The following MERTK variants were observed in gnomAD, a reference collection of about 807,000 sequenced individuals.
MERTK encodes tyrosine-protein kinase Mer.
Under a neutral mutation model 99.3 loss-of-function variants are expected in MERTK, and 69 were observed. That is an observed-to-expected ratio of 0.70 (90% CI 0.57 to 0.85). The LOEUF is 0.85. Among genes scored for constraint, MERTK ranks in the 40% least tolerant of loss-of-function variants. The pLI is 0.00. For synonymous variants in MERTK, 426 were observed against 467.6 expected, an observed-to-expected ratio of 0.91 and a Z score of 1.15; for missense variants, 1,125 against 1,249.4, an observed-to-expected ratio of 0.90 and a Z score of 1.50.
At chr2:111,921,126 G>A (rs1036704442) in intron 1 of MERTK, among the ~76,000 whole-genome samples, 1 of 152,172 alleles carries the variant, frequency 6.6e-6, no homozygotes. Flanking sequence ...TCAAATATCA[G>A]CCTGGTGTGT....
At chr2:111,973,230 T>C (rs1676159185) in intron 6 of MERTK, among the ~76,000 whole-genome samples, 1 of 152,096 alleles carries the variant, frequency 6.6e-6, no homozygotes, top group Non-Finnish European at 1.5e-5. Context: ...TCCCCACATG[T>C]CTCTGGAAGT....
At chr2:111,967,852 T>A (rs562055166) in intron 5 of MERTK, among the ~76,000 whole-genome samples, 1 of 152,072 alleles carries the variant, frequency 6.6e-6, no homozygotes, top group Non-Finnish European at 1.5e-5. Context: ...AGGACATGAG[T>A]ATTTCCACAT....
rs370577205 is a variant in MERTK, at chr2:111,994,293, C to T, written c.1339C>T (p.Arg447Trp). Residue 447 changes from arginine (R) to tryptophan (W), a missense_variant, in exon 9 of 19, where the codon CGG becomes TGG. Coordinates refer to ENST00000295408, the MANE Select transcript of MERTK (RefSeq NM_006343.3). ...EEVGQNGSRARISVQVHNATC... is the reference protein window; with the variant it reads ...EEVGQNGSRAWISVQVHNATC... ...AGTTGGCCAGAATGGCAGCCGAGCT[C>T]GGATCTCTGTTCAAGTCCACAATGC... 9.9e-6 allele frequency: 16 copies of T among 1,613,990 alleles called. No individual in the cohort carries two copies. Among genetic ancestry groups the T allele is most frequent in the African/African-American group, 4.0e-5 (3 of 74,886 alleles).
At chr2:111,907,303 A>G (rs575510304) in intron 1 of MERTK, among the ~76,000 whole-genome samples, 1 of 152,174 alleles carries the variant, frequency 6.6e-6, no homozygotes, top group Admixed American at 6.5e-5. Context: ...AATCCCAGCA[A>G]CTTGGGAGGC....
At chr2:111,966,879 C>T (rs1685368202) in intron 5 of MERTK, among the ~76,000 whole-genome samples, 2 of 152,268 alleles carry the variant, frequency 1.3e-5, no homozygotes, top group East Asian at 3.9e-4. Context: ...TCTTGACACA[C>T]CTTCCTCCTT....
chr2:111,971,825 A>G (rs1326947950), intron 6 of MERTK, among the ~76,000 whole-genome samples: 1 of 152,198 alleles, frequency 6.6e-6, no homozygotes, highest in African/African-American at 2.4e-5. Flanking sequence ...TTGTTGGTTT[A>G]GAGTCTTCAG....
chr2:111,899,956 G>A (rs1442999207), intron 1 of MERTK, among the ~76,000 whole-genome samples: 1 of 152,046 alleles, frequency 6.6e-6, no homozygotes, highest in Non-Finnish European at 1.5e-5. Context: ...TCTTGAGGAG[G>A]CTGGAATAAA....
Position 111,947,619 on chromosome 2 carries a change from C to A in MERTK, c.757+52C>A. On this transcript the variant is annotated intron_variant, in intron 4 of 18. Transcript: ENST00000295408. Reference sequence around the variant, plus strand: ...TTTATTCTCTAATAGCGGACAGGATCAAAAGTTTGGCGACCCTTGCTGTGC... The same window carrying A: ...TTTATTCTCTAATAGCGGACAGGATAAAAAGTTTGGCGACCCTTGCTGTGC... 7 of 1,606,762 alleles carry A rather than the reference C, an allele frequency of 4.4e-6. No homozygotes were observed. The South Asian group carries it at 5.5e-5, about 13-fold the overall frequency.
chr2:111,941,043 C>G, intron 2 of MERTK: 1 of 512,890 alleles, frequency 1.9e-6, no homozygotes, highest in Non-Finnish European at 3.7e-6. Context: ...ACATGCTCCC[C>G]GCTTCTCACT....
chr2:112,003,967 C>A lies in MERTK; in HGVS notation c.1850C>A (p.Ala617Glu). Residue 617 changes from alanine (A) to glutamate (E), a missense_variant, in exon 13 of 19, where the codon GCA becomes GAA. By Grantham distance (107) the Ala-to-Glu change is moderately radical (BLOSUM62 -1). Transcript: ENST00000295408. ...KQEDGTSLKV[A>E]VKTMKLDNSS... is the part of the protein sequence containing the mutation. ...GAAGATGGGACCTCTCTGAAAGTGG[C>A]AGTGAAGACCATGAAGTGTGAGTTA... The A allele has an allele frequency of 6.2e-7, 1 of 1,612,910 alleles. No individual in the cohort carries two copies. Among genetic ancestry groups the A allele is most frequent in the South Asian group, 1.1e-5 (1 of 91,052 alleles).
chr2:111,931,209 A>AT (rs1414963199), intron 2 of MERTK, among the ~76,000 whole-genome samples: 1 of 151,082 alleles, frequency 6.6e-6, no homozygotes, highest in African/African-American at 2.4e-5. Flanking sequence ...TTTTTTTTAC[A>AT]TTTTTTCCCC....
rs1338015255 is a variant in MERTK, at chr2:111,906,267, AGC to A, written c.61+7472_61+7473del. 3.3e-5 allele frequency among the ~76,000 whole-genome samples: 5 copies of A among 152,334 alleles called. No individual in the cohort carries two copies. In the East Asian group the frequency reaches 9.6e-4, roughly 29 times the overall value. ...TTTTCTTTGAGGATCTAGATACCTC[AGC>A]ATTCAGGGACAGTAAACATCTTAGA... On this transcript the variant is annotated intron_variant, in intron 1 of 18. Transcript: ENST00000295408.
At chr2:111,933,164 T>C (rs528072922) in intron 2 of MERTK, among the ~76,000 whole-genome samples, 2 of 152,294 alleles carry the variant, frequency 1.3e-5, no homozygotes, top group South Asian at 4.1e-4. Context: ...AAATGTGCAT[T>C]GTTTTTTAGG....
At chr2:111,924,122 G>A (rs1418405046) in intron 1 of MERTK, among the ~76,000 whole-genome samples, 1 of 152,176 alleles carries the variant, frequency 6.6e-6, no homozygotes, top group Admixed American at 6.5e-5. Context: ...CCACGTGGGG[G>A]TCCAGCCTCA....
chr2:112,001,132 T>G (rs978973625), intron 10 of MERTK, 69 bp from the exon 11 acceptor site: 1 of 1,198,914 alleles, frequency 8.3e-7, no homozygotes, highest in African/African-American at 1.5e-5. Context: ...TGTAGCATCC[T>G]TGTGGAATCA....
intron 7 of MERTK, 32 bp from the exon 8 acceptor site, chr2:111,982,810 T>G (rs1363343095): frequency 6.2e-7 from 1 of 1,612,004 alleles, no homozygotes. Flanking sequence ...GCTTTGTGGT[T>G]CTTCATTCTT....
rs77018833 is a variant in MERTK at position 112,014,423 on chromosome 2, C to T, written c.2079+4357C>T. On this transcript the variant is annotated intron_variant, in intron 15 of 18. Coordinates refer to ENST00000295408, the MANE Select transcript of MERTK (RefSeq NM_006343.3). Reference sequence around the variant, plus strand: ...CAAGTGATCAGCCGCCTCGGCCTCCCGAAGTGCTGGGATGACAGGCGTGAG... The same window carrying T: ...CAAGTGATCAGCCGCCTCGGCCTCCTGAAGTGCTGGGATGACAGGCGTGAG... Among the ~76,000 whole-genome samples, 8 of 152,166 alleles carry T rather than the reference C, an allele frequency of 5.3e-5. 1 individual carries two copies. In the South Asian group the frequency reaches 1.2e-3, roughly 24 times the overall value.
chr2:111,905,102 C>G (rs1684112800), intron 1 of MERTK, among the ~76,000 whole-genome samples: 1 of 152,260 alleles, frequency 6.6e-6, no homozygotes, highest in African/African-American at 2.4e-5. Context: ...CTAAGAATAC[C>G]TGCCATCCTG....
At chr2:111,997,811 G>A (rs1676783381) in intron 10 of MERTK, among the ~76,000 whole-genome samples, 1 of 152,160 alleles carries the variant, frequency 6.6e-6, no homozygotes, top group Admixed American at 6.5e-5. Context: ...CAGCACTTTG[G>A]GAGGCCAAGG....
Sources: gnomAD v4.1 joint callset for allele counts (sites outside exome capture counted in the v4.1 genomes callset) on GRCh38, gnomAD v4.1.1 for gene constraint, MANE v1.5 for transcripts, NCBI Gene and HGNC (gene_info 2026-07-23, HGNC 2026-07-21) for gene names.